Variants in AKAP13 observed in about 807,000 individuals in gnomAD.
AKAP13 encodes A-kinase anchoring protein 13.
In AKAP13, 80 loss-of-function variants were observed where a neutral mutation model predicts 264.5. That is an observed-to-expected ratio of 0.30 (90% confidence interval 0.25 to 0.36). The LOEUF (loss-of-function observed/expected upper bound fraction) is 0.36, where lower values mean the gene tolerates loss of function less well. AKAP13 is among the 10% of genes least tolerant of loss of function. AKAP13 has a pLI of 1.00. For missense variants in AKAP13, 3,712 were observed against 3,435.2 expected, an observed-to-expected ratio of 1.08 and a Z score of -2.01; for synonymous variants, 1,380 against 1,250.2, an observed-to-expected ratio of 1.10 and a Z score of -2.19.
intron 8 of AKAP13, among the ~76,000 whole-genome samples, chr15:85,598,975 C>G (rs1419824663): frequency 1.3e-5 from 2 of 152,174 alleles, no homozygotes; most frequent in African/African-American, 4.8e-5. Context: ...TGAAACAGTT[C>G]CTGTCCCTAT....
chr15:85,617,521 T>A (rs189522473), intron 8 of AKAP13, among the ~76,000 whole-genome samples: 47 of 152,332 alleles, frequency 3.1e-4, no homozygotes, highest in Non-Finnish European at 5.0e-4. Flanking sequence ...ATTACAGGCG[T>A]GAGCCACCGC....
chr15:85,690,946 GA>G (rs962612478), intron 16 of AKAP13, among the ~76,000 whole-genome samples: 75 of 152,310 alleles, frequency 4.9e-4, no homozygotes, highest in African/African-American at 1.7e-3. Context: ...GTTGTTGTGA[GA>G]AAATACATGT....
intron 12 of AKAP13, among the ~76,000 whole-genome samples, 173 bp downstream of exon 12, chr15:85,658,763 A>G (rs1367496471): frequency 6.6e-6 from 1 of 152,116 alleles, no homozygotes; most frequent in Non-Finnish European, 1.5e-5. Flanking sequence ...TTTTATATGA[A>G]ATGGTTTCTT....
intron 1 of AKAP13, among the ~76,000 whole-genome samples, chr15:85,475,615 C>T (rs952440216): frequency 2.6e-5 from 4 of 152,138 alleles, no homozygotes; most frequent in Non-Finnish European, 5.9e-5. Context: ...TGTTGAATTC[C>T]CCAGCTCTGG....
At chr15:85,388,371 C>G (rs2070689169) in intron 1 of AKAP13, among the ~76,000 whole-genome samples, 1 of 152,096 alleles carries the variant, frequency 6.6e-6, no homozygotes, top group Non-Finnish European at 1.5e-5. Flanking sequence ...CTTTGCTGAA[C>G]TATCTAGGAC....
At chr15:85,467,451 G>T (rs79590389) in intron 1 of AKAP13, among the ~76,000 whole-genome samples, 1 of 151,932 alleles carries the variant, frequency 6.6e-6, no homozygotes, top group Non-Finnish European at 1.5e-5. Flanking sequence ...TGAGTTATTT[G>T]TGTCTCTGTG....
chr15:85,469,816 C>T (rs1003479530), intron 1 of AKAP13, among the ~76,000 whole-genome samples: 2 of 152,184 alleles, frequency 1.3e-5, no homozygotes, highest in Admixed American at 6.5e-5. Flanking sequence ...ATCTACATGC[C>T]ATGTCGATAC....
intron 8 of AKAP13, among the ~76,000 whole-genome samples, chr15:85,628,800 A>G (rs1318352326): frequency 1.3e-5 from 2 of 152,204 alleles, no homozygotes; most frequent in African/African-American, 4.8e-5. Flanking sequence ...ACTGTTTTCC[A>G]ATAAATCTTT....
At chr15:85,543,558 C>T (rs1352215332) in intron 4 of AKAP13, among the ~76,000 whole-genome samples, 1 of 152,080 alleles carries the variant, frequency 6.6e-6, no homozygotes, top group East Asian at 1.9e-4. Flanking sequence ...ATTTTGCTTC[C>T]TATACTTTCT....
intron 2 of AKAP13, among the ~76,000 whole-genome samples, chr15:85,508,382 A>G (rs1403282795): frequency 2.6e-5 from 4 of 152,010 alleles, no homozygotes; most frequent in African/African-American, 7.2e-5. Context: ...GGTTCAAGCA[A>G]TCCACCTGCC....
At chr15:85,510,919 A>G (rs1390769487) in intron 2 of AKAP13, among the ~76,000 whole-genome samples, 2 of 152,170 alleles carry the variant, frequency 1.3e-5, no homozygotes, top group African/African-American at 4.8e-5. Context: ...AGAGAGAGAT[A>G]TGGCAAATCC....
At chr15:85,607,664 A>G (rs151250925) in intron 8 of AKAP13, among the ~76,000 whole-genome samples, 147 of 151,438 alleles carry the variant, frequency 9.7e-4, no homozygotes, top group Admixed American at 9.2e-4. Flanking sequence ...CATCTCTGCT[A>G]GTATGTATTT....
chr15:85,432,193 C>G (rs183036403), intron 1 of AKAP13, among the ~76,000 whole-genome samples: 2 of 152,206 alleles, frequency 1.3e-5, no homozygotes, highest in Non-Finnish European at 2.9e-5. Flanking sequence ...TCATTCCTAA[C>G]TTAGCCTAAC....
chr15:85,654,720 A>T (rs2083019388), intron 10 of AKAP13, among the ~76,000 whole-genome samples: 1 of 152,122 alleles, frequency 6.6e-6, no homozygotes, highest in Non-Finnish European at 1.5e-5. Flanking sequence ...GCCACTCGGG[A>T]GGCTGAGGTG....
intron 5 of AKAP13, among the ~76,000 whole-genome samples, chr15:85,564,291 T>G (rs930834506): frequency 6.6e-6 from 1 of 152,196 alleles, no homozygotes; most frequent in African/African-American, 2.4e-5. Flanking sequence ...CTCCTATATA[T>G]CCTTCATCCA....
chr15:85,516,183 G>C (rs894731685), intron 2 of AKAP13, among the ~76,000 whole-genome samples: 2 of 152,148 alleles, frequency 1.3e-5, no homozygotes, highest in Non-Finnish European at 2.9e-5. Flanking sequence ...GTACATCCTG[G>C]CACATTATAA....
intron 5 of AKAP13, among the ~76,000 whole-genome samples, chr15:85,563,028 A>G (rs2078460957): frequency 6.6e-6 from 1 of 151,658 alleles, no homozygotes; most frequent in African/African-American, 2.4e-5. Flanking sequence ...CTTTTCTTTA[A>G]ACAGATAAAA....
At chr15:85,546,152 A>G (rs1373161803) in intron 5 of AKAP13, among the ~76,000 whole-genome samples, 1 of 152,162 alleles carries the variant, frequency 6.6e-6, no homozygotes, top group Admixed American at 6.5e-5. Context: ...TCAGAAAAAC[A>G]ATACGTACTT....
At chr15:85,439,729 C>G (rs1053036292) in intron 1 of AKAP13, among the ~76,000 whole-genome samples, 27 of 142,198 alleles carry the variant, frequency 1.9e-4, no homozygotes, top group African/African-American at 6.6e-4. Flanking sequence ...AACAAAAAAC[C>G]AAACACCGCA....
Sources: allele counts gnomAD v4.1 joint callset (sites outside exome capture counted in the v4.1 genomes callset), GRCh38; gene constraint gnomAD v4.1.1; transcripts MANE v1.5; gene names NCBI Gene and HGNC (gene_info 2026-07-23, HGNC 2026-07-21).